Variants in PIK3CB observed in about 807,000 individuals in gnomAD.
PIK3CB encodes the protein phosphatidylinositol 4,5-bisphosphate 3-kinase catalytic subunit beta isoform.
In PIK3CB, 39 loss-of-function variants were observed where a neutral mutation model predicts 136.8. The ratio of observed to expected loss-of-function variants is 0.29; its 90% confidence interval spans 0.22 to 0.37. PIK3CB has a LOEUF of 0.37. Among genes scored for constraint, PIK3CB ranks in the 10% least tolerant of loss-of-function variants. The pLI, the probability that PIK3CB is intolerant of heterozygous loss-of-function variation, is 1.00. For missense variants in PIK3CB, 868 were observed against 1,275.4 expected (o/e 0.68, Z 4.87); for synonymous variants, 428 against 436.6 (o/e 0.98, Z 0.25).
intron 8 of PIK3CB, among the ~76,000 whole-genome samples, chr3:138,721,846 C>G (rs976028023): frequency 6.6e-6 from 1 of 152,092 alleles, no homozygotes; most frequent in Non-Finnish European, 1.5e-5. Context: ...ATGATGTTGT[C>G]AGAGGTGTTG....
intron 12 of PIK3CB, among the ~76,000 whole-genome samples, chr3:138,702,947 T>C (rs574097793): frequency 2.0e-5 from 3 of 152,312 alleles, no homozygotes; most frequent in South Asian, 2.1e-4. Context: ...CAATTGATCA[T>C]GCAAATTTTT....
intron 2 of PIK3CB, among the ~76,000 whole-genome samples, chr3:138,776,391 A>C (rs1415535329): frequency 1.3e-5 from 2 of 152,100 alleles, no homozygotes; most frequent in Non-Finnish European, 2.9e-5. Flanking sequence ...CAAGGAAAGA[A>C]AGCTTTAAGA....
At chr3:138,742,821 C>G (rs1184698655) in intron 4 of PIK3CB, 40 bp from the exon 5 acceptor site, 1 of 1,080,446 alleles carries the variant, frequency 9.3e-7, no homozygotes, top group African/African-American at 1.6e-5. Context: ...CAGTAACTAA[C>G]AATAATAAAA....
chr3:138,714,769 C>T (rs377729251), intron 8 of PIK3CB, 50 bp from the exon 9 acceptor site: 54 of 1,421,990 alleles, frequency 3.8e-5, no homozygotes, highest in East Asian at 9.7e-5. Flanking sequence ...TACTGTACCA[C>T]GAAAAACATC....
Position 138,684,632 on chromosome 3 carries a change from C to T in PIK3CB, c.2308G>A (p.Glu770Lys), listed in dbSNP as rs3729782. The change falls in exon 17 of 24, where the codon GAA (glutamate) becomes AAA (lysine). Residue 770 changes from glutamate (E) to lysine (K), a missense_variant. Coordinates refer to ENST00000674063, the MANE Select transcript of PIK3CB (RefSeq NM_006219.3). ...CAAAGCACAGTCACTTACTAGAGTT[C>T]TGAGAGGATAACACATGGGTTCAGG... ...SPLNPCVILS[E>K]LYVEKCKYMD... 3 of 1,604,066 alleles carry T rather than the reference C, an allele frequency of 1.9e-6. No individual in the cohort carries two copies. The highest frequency in any genetic ancestry group is 2.6e-6 in the Non-Finnish European group (3 of 1,176,122).
chr3:138,705,097 A>G (rs1196604121), intron 11 of PIK3CB, among the ~76,000 whole-genome samples: 1 of 147,424 alleles, frequency 6.8e-6, no homozygotes, highest in Non-Finnish European at 1.5e-5. Context: ...TTCAAAGACT[A>G]AAATCTCTAT....
At chr3:138,780,404 G>T (rs1423667807) in intron 2 of PIK3CB, among the ~76,000 whole-genome samples, 1 of 152,042 alleles carries the variant, frequency 6.6e-6, no homozygotes, top group Non-Finnish European at 1.5e-5. Flanking sequence ...CCAAGTAGCT[G>T]GGATTACAGG....
At chr3:138,657,633 C>T (rs1397259082) in intron 22 of PIK3CB, 57 bp downstream of exon 22, 5 of 1,472,042 alleles carry the variant, frequency 3.4e-6, no homozygotes, top group Non-Finnish European at 3.8e-6. Context: ...GCTGGTCCAC[C>T]TGGTCAGATA....
At chr3:138,735,249 T>A (rs1359450859) in intron 6 of PIK3CB, among the ~76,000 whole-genome samples, 1 of 151,992 alleles carries the variant, frequency 6.6e-6, no homozygotes, top group Non-Finnish European at 1.5e-5. Context: ...AAGCCCAGCC[T>A]AAGCATATGA....
At chr3:138,671,807 G>C (rs1023968991) in intron 19 of PIK3CB, among the ~76,000 whole-genome samples, 1 of 152,250 alleles carries the variant, frequency 6.6e-6, no homozygotes, top group Non-Finnish European at 1.5e-5. Context: ...TATTCCTGAC[G>C]CAAGTCCTGC....
chr3:138,668,867 C>T (rs2043468510), intron 19 of PIK3CB, among the ~76,000 whole-genome samples: 1 of 152,130 alleles, frequency 6.6e-6, no homozygotes, highest in South Asian at 2.1e-4. Context: ...ACCCATCAAC[C>T]CACACCCTGC....
chr3:138,667,654 C>T (rs1287711637), intron 19 of PIK3CB, among the ~76,000 whole-genome samples: 2 of 151,258 alleles, frequency 1.3e-5, no homozygotes, highest in Non-Finnish European at 1.5e-5. Flanking sequence ...CTCCACCTCC[C>T]GGGTTCACGT....
intron 1 of PIK3CB, among the ~76,000 whole-genome samples, chr3:138,828,795 A>T (rs4894357): frequency 2.0e-5 from 3 of 150,916 alleles, no homozygotes; most frequent in South Asian, 2.1e-4. Flanking sequence ...TTTATTTTTT[A>T]TTTTTTTTCT....
chr3:138,786,711 A>G (rs1049046250), intron 2 of PIK3CB, among the ~76,000 whole-genome samples: 1 of 152,222 alleles, frequency 6.6e-6, no homozygotes, highest in African/African-American at 2.4e-5. Flanking sequence ...TACTATGCAT[A>G]AAACTGGTAA....
intron 2 of PIK3CB, among the ~76,000 whole-genome samples, chr3:138,782,940 C>A (rs140066559): frequency 1.4e-3 from 212 of 152,304 alleles, no homozygotes; most frequent in Middle Eastern, 6.8e-3. Context: ...GCTGCAAGGC[C>A]ATGATTAAAA....
rs948796406 is a variant in PIK3CB, at chr3:138,654,906, T to C, written c.*483A>G. ...GGAAAATAATCATAAATTCAAATTA[T>C]ATTATAATTTGCAGTTTACACAATT... On this transcript the variant is annotated 3_prime_UTR_variant, in exon 24 of 24. Coordinates refer to ENST00000674063, the MANE Select transcript of PIK3CB (RefSeq NM_006219.3). The C allele has an allele frequency of 4.3e-5, 9 of 211,566 alleles. No individual in the cohort carries two copies. The highest frequency in any genetic ancestry group is 1.6e-4 in the African/African-American group (7 of 44,144). 13.1% of individuals were successfully genotyped at this position (211,566 alleles called of 1,614,324 possible).
chr3:138,685,974 TA>T (rs562131800), intron 16 of PIK3CB, among the ~76,000 whole-genome samples: 23 of 151,966 alleles, frequency 1.5e-4, no homozygotes, highest in African/African-American at 5.3e-4. Flanking sequence ...CCCTATCTAC[TA>T]AAAATACAAA....
chr3:138,784,798 G>A (rs898122604), intron 2 of PIK3CB, among the ~76,000 whole-genome samples: 1 of 152,170 alleles, frequency 6.6e-6, no homozygotes, highest in African/African-American at 2.4e-5. Context: ...CCTCCCAGCC[G>A]CCTGCCTTGG....
At chr3:138,708,783 C>A (rs1290467486) in intron 10 of PIK3CB, among the ~76,000 whole-genome samples, 1 of 151,926 alleles carries the variant, frequency 6.6e-6, no homozygotes, top group African/African-American at 2.4e-5. Flanking sequence ...GAGCTGATTT[C>A]TCAGCAATTT....
Sources: gnomAD v4.1 joint callset for allele counts (sites outside exome capture counted in the v4.1 genomes callset) on GRCh38, gnomAD v4.1.1 for gene constraint, MANE v1.5 for transcripts, NCBI Gene and HGNC (gene_info 2026-07-23, HGNC 2026-07-21) for gene names.